Variants in PAK6 observed in about 807,000 individuals in gnomAD.
PAK6 encodes the protein p21 (RAC1) activated kinase 6.
Under a neutral mutation model 60.8 loss-of-function variants are expected in PAK6, and 33 were observed. The observed-to-expected ratio is 0.54, with a 90% CI of 0.41 to 0.73. The LOEUF (loss-of-function observed/expected upper bound fraction) is 0.73, where lower values mean the gene tolerates loss of function less well. Ranked by LOEUF, PAK6 falls within the 30% of genes least tolerant of loss-of-function variation. The probability of loss-of-function intolerance (pLI) is 0.00; values close to 1 mark genes in which losing one functional copy is unlikely to be tolerated. For synonymous variants in PAK6, 404 were observed against 378.5 expected (o/e 1.07, Z -0.78); for missense variants, 845 against 904.1 (o/e 0.93, Z 0.84).
At position 40,272,207 on chromosome 15, in the gene PAK6, T is replaced by G. The variant is rs369902006; in HGVS notation, c.859-17T>G. 38 of 1,596,226 alleles carry G rather than the reference T, an allele frequency of 2.4e-5. No individual in the cohort carries two copies. The highest frequency in any genetic ancestry group is 4.0e-5 in the African/African-American group (3 of 74,602). On this transcript the variant is annotated splice_polypyrimidine_tract_variant and intron_variant, in intron 5 of 10. Coordinates refer to ENST00000560346, the Ensembl canonical transcript of PAK6. The stretch of plus-strand genomic sequence containing the variant: ...GCTCCCACAGCCCTGACCCTTCCTG[T>G]TGCTTTGTCCCTGCAGCCCAACTCC...
intron 2 of PAK6, chr15:40,250,548 G>T (rs1331964911): frequency 1.3e-5 from 2 of 152,132 alleles, no homozygotes; most frequent in African/African-American, 4.8e-5. Context: ...CTCCCAAGGG[G>T]TGGGAGGAAC....
intron 2 of PAK6, among the ~76,000 whole-genome samples, chr15:40,248,652 G>A (rs112671628): frequency 0.052 from 7,907 of 152,254 alleles, 540 homozygotes; most frequent in African/African-American, 0.16. Flanking sequence ...GAACCTGAGG[G>A]CCCCTCTGCC....
At chr15:40,273,698 C>A (rs374371997) in intron 9 of PAK6, 22 bp downstream of exon 9, 3 of 1,608,712 alleles carry the variant, frequency 1.9e-6, no homozygotes, top group African/African-American at 2.7e-5. Flanking sequence ...CTCCACCCCC[C>A]AGACCTCCCA....
At chr15:40,267,397 T>C (rs1444765915) in intron 5 of PAK6, among the ~76,000 whole-genome samples, 1 of 152,096 alleles carries the variant, frequency 6.6e-6, no homozygotes, top group Non-Finnish European at 1.5e-5. Flanking sequence ...GTGGCTCACG[T>C]CTGTAGTCCC....
In PAK6 at chr15:40,261,907, C is replaced by T. The variant is rs527828137; in HGVS notation, c.-5-2874C>T. Among the ~76,000 whole-genome samples, 242 of 152,154 alleles carry T rather than the reference C, an allele frequency of 1.6e-3. 2 individuals carry two copies. The highest frequency in any genetic ancestry group is 1.4e-3 in the Non-Finnish European group (95 of 68,012). ...TGCTGCCTCTGGGAAGAACTTGTTCCGGAATGGCTCACTATTAGAATGGAC... is the reference window on the plus strand; with the variant it reads ...TGCTGCCTCTGGGAAGAACTTGTTCTGGAATGGCTCACTATTAGAATGGAC... On this transcript the variant is annotated intron_variant, in intron 3 of 10. Transcript: ENST00000560346.
At position 40,265,023 on chromosome 15, in the gene PAK6, C is replaced by T. The variant is rs780740473; in HGVS notation, c.204+34C>T. On this transcript the variant is annotated intron_variant, in intron 4 of 10. Transcript: ENST00000560346. ...GGCCGGCAGGGATGAGGTTCAGCCT[C>T]TCCCAGTACTCAGACAACCATGCCT... 8 of 1,582,174 alleles carry T rather than the reference C, an allele frequency of 5.1e-6. No individual in the cohort carries two copies. In the East Asian group the frequency reaches 1.8e-4, roughly 36 times the overall value.
exon 5 of PAK6, chr15:40,265,970 A>C: frequency 6.2e-7 from 1 of 1,604,486 alleles, no homozygotes; most frequent in African/African-American, 1.3e-5. Context: ...GGCGGCGGGC[A>C]CAGTCCCTGG....
At chr15:40,272,489 G>T (rs767760161) in exon 6 of PAK6, 1 of 1,613,852 alleles carries the variant, frequency 6.2e-7, no homozygotes, top group South Asian at 1.1e-5. Context: ...GTTGCCAAGG[G>T]TGCCCTGGCT....
intron 3 of PAK6, among the ~76,000 whole-genome samples, chr15:40,262,715 G>A (rs1220623795): frequency 1.3e-5 from 2 of 152,194 alleles, no homozygotes; most frequent in African/African-American, 4.8e-5. Context: ...GCCAGTGTCT[G>A]GAGGGCCTGA....
chr15:40,258,705 G>C (rs1016959607), intron 3 of PAK6: 1 of 152,394 alleles, frequency 6.6e-6, no homozygotes, highest in Non-Finnish European at 1.5e-5. Context: ...GCCAGGAACC[G>C]TCGGTCCCCA....
intron 7 of PAK6, 69 bp downstream of exon 7, chr15:40,273,068 G>A (rs989298530): frequency 6.4e-7 from 1 of 1,573,170 alleles, no homozygotes; most frequent in Non-Finnish European, 8.6e-7. Context: ...GGGCAATGTG[G>A]TCTTCTGCCT....
chr15:40,263,965 G>A (rs1280026476), intron 3 of PAK6: 3 of 455,812 alleles, frequency 6.6e-6, no homozygotes, highest in Non-Finnish European at 1.3e-5. Flanking sequence ...AGAGTGTCAA[G>A]GGGAGGTGGT....
intron 2 of PAK6, among the ~76,000 whole-genome samples, chr15:40,243,416 A>G (rs1317838106): frequency 1.3e-5 from 2 of 152,206 alleles, no homozygotes; most frequent in African/African-American, 4.8e-5. Flanking sequence ...CTCCTGTCCA[A>G]CAGAGATAAT....
intron 2 of PAK6, chr15:40,252,711 CG>C: frequency 7.7e-7 from 1 of 1,304,064 alleles, no homozygotes; most frequent in Middle Eastern, 2.2e-4. Flanking sequence ...CCGGCTGCCC[CG>C]GAGGTTCGCG....
chr15:40,252,146 G>T, intron 2 of PAK6: 1 of 563,356 alleles, frequency 1.8e-6, no homozygotes. Flanking sequence ...AAGGTGACAG[G>T]TTTTCCGACT....
At chr15:40,252,172 C>T (rs2038687280) in intron 2 of PAK6, 1 of 847,990 alleles carries the variant, frequency 1.2e-6, no homozygotes, top group South Asian at 1.7e-5. Flanking sequence ...GTGGGCTCTC[C>T]AGGATGTGTG....
chr15:40,275,943 G>T, exon 11 of PAK6: 1 of 1,613,034 alleles, frequency 6.2e-7, no homozygotes, highest in Non-Finnish European at 8.5e-7. Context: ...CCAGTGCTGC[G>T]AGACTTCCTG....
intron 3 of PAK6, 43 bp downstream of exon 3, chr15:40,253,332 C>G (rs997391346): frequency 6.6e-6 from 3 of 452,326 alleles, no homozygotes; most frequent in Admixed American, 4.7e-5. Flanking sequence ...CTTCTGCACC[C>G]ATTTTGAAGA....
At chr15:40,276,016 C>G in exon 11 of PAK6, 3 of 1,613,772 alleles carry the variant, frequency 1.9e-6, no homozygotes, top group Non-Finnish European at 2.5e-6. Flanking sequence ...TAGACCACCC[C>G]TTCCTGCTGC....
Sources: allele counts gnomAD v4.1 joint callset (sites outside exome capture counted in the v4.1 genomes callset), GRCh38; gene constraint gnomAD v4.1.1; transcripts MANE v1.5; gene names NCBI Gene and HGNC (gene_info 2026-07-23, HGNC 2026-07-21).